Variants in STARD13 observed in about 807,000 individuals in gnomAD.
The protein encoded by STARD13 is StAR related lipid transfer domain containing 13, also known as stAR-related lipid transfer protein 13.
In STARD13, 62 loss-of-function variants were observed where a neutral mutation model predicts 106.4. The ratio of observed to expected loss-of-function variants is 0.58; its 90% CI spans 0.48 to 0.72. The LOEUF is 0.72. Among genes scored for constraint, STARD13 ranks in the 30% least tolerant of loss-of-function variants. The pLI is 0.00. For missense variants in STARD13, 1,387 were observed against 1,424.0 expected (o/e 0.97, Z 0.42); for synonymous variants, 565 against 553.0 (o/e 1.02, Z -0.31).
chr13:33,605,804 A>G, the STARD13 span, among the ~76,000 whole-genome samples: 2 of 152,216 alleles, frequency 1.3e-5, no homozygotes, highest in Non-Finnish European at 1.5e-5. Context: ...ATATCAGGCC[A>G]TAGTTCTACT....
intron 1 of STARD13, among the ~76,000 whole-genome samples, chr13:33,234,997 G>A (rs1002599681): frequency 6.6e-6 from 1 of 152,142 alleles, no homozygotes; most frequent in African/African-American, 2.4e-5. Flanking sequence ...CACAGAAAAT[G>A]TAAAAATGTT....
intron 1 of STARD13, among the ~76,000 whole-genome samples, chr13:33,307,557 G>A (rs1343806320): frequency 3.3e-5 from 5 of 152,294 alleles, no homozygotes; most frequent in African/African-American, 1.2e-4. Flanking sequence ...ACTAATGCAG[G>A]AACAGAAAAC....
intron 1 of STARD13, among the ~76,000 whole-genome samples, chr13:33,237,646 A>T (rs1297669519): frequency 6.6e-6 from 1 of 152,174 alleles, no homozygotes; most frequent in Non-Finnish European, 1.5e-5. Context: ...CCCTTGATTA[A>T]AAACTTCCCA....
At chr13:33,586,199 G>C in the STARD13 span, among the ~76,000 whole-genome samples, 12 of 152,280 alleles carry the variant, frequency 7.9e-5, no homozygotes, top group South Asian at 1.9e-3. Flanking sequence ...GTATGCAGAA[G>C]CTGAGGCCAC....
chr13:33,119,072 T>C (rs1011186501), intron 7 of STARD13, among the ~76,000 whole-genome samples: 3 of 151,964 alleles, frequency 2.0e-5, no homozygotes, highest in African/African-American at 7.3e-5. Flanking sequence ...GTGGCCCTAA[T>C]GAGAATGAGT....
intron 3 of STARD13, among the ~76,000 whole-genome samples, chr13:33,145,777 C>T (rs970413267): frequency 1.3e-5 from 2 of 152,208 alleles, no homozygotes; most frequent in Non-Finnish European, 2.9e-5. Context: ...AGAGCATACA[C>T]TACAGGATTC....
At chr13:33,634,979 A>G in the STARD13 span, among the ~76,000 whole-genome samples, 1 of 152,232 alleles carries the variant, frequency 6.6e-6, no homozygotes, top group African/African-American at 2.4e-5. Flanking sequence ...GCAGCTATGC[A>G]CCAGCTCTTC....
the STARD13 span, among the ~76,000 whole-genome samples, chr13:33,512,670 T>C: frequency 1.3e-4 from 20 of 152,240 alleles, no homozygotes; most frequent in East Asian, 3.3e-3. Context: ...GGTTTCGCCA[T>C]GTTGGGCAGG....
At chr13:33,537,677 C>A in the STARD13 span, among the ~76,000 whole-genome samples, 1 of 151,866 alleles carries the variant, frequency 6.6e-6, no homozygotes, top group Non-Finnish European at 1.5e-5. Context: ...GTGTATATTT[C>A]TTTACTGGCA....
chr13:33,220,501 G>A (rs1284161143), intron 1 of STARD13, among the ~76,000 whole-genome samples: 1 of 151,966 alleles, frequency 6.6e-6, no homozygotes, highest in Non-Finnish European at 1.5e-5. Flanking sequence ...GACCAGCCTG[G>A]CCAACATAGT....
chr13:33,223,020 T>A (rs1888438056), intron 1 of STARD13, among the ~76,000 whole-genome samples: 1 of 152,266 alleles, frequency 6.6e-6, no homozygotes. Flanking sequence ...GGGTTAGGAA[T>A]CCATCTGCTA....
chr13:33,144,742 A>T (rs904668515), intron 3 of STARD13, among the ~76,000 whole-genome samples: 1 of 152,176 alleles, frequency 6.6e-6, no homozygotes, highest in Non-Finnish European at 1.5e-5. Context: ...AAAATGGTGG[A>T]TATTGCACAT....
the STARD13 span, among the ~76,000 whole-genome samples, chr13:33,499,561 C>CT: frequency 8.1e-5 from 5 of 61,668 alleles, no homozygotes; most frequent in African/African-American, 3.0e-4. Flanking sequence ...TCTTCTTCTT[C>CT]TTCTTCTTCT....
intron 1 of STARD13, among the ~76,000 whole-genome samples, chr13:33,299,425 A>G (rs1892626631): frequency 6.6e-6 from 1 of 152,244 alleles, no homozygotes; most frequent in Non-Finnish European, 1.5e-5. Context: ...AATTACTCAG[A>G]AGTGCTATTT....
the STARD13 span, among the ~76,000 whole-genome samples, chr13:33,558,726 G>A: frequency 2.0e-5 from 3 of 148,064 alleles, 1 homozygote; most frequent in African/African-American, 7.9e-5. Context: ...GCCTGAAAAT[G>A]GTTATAAATA....
At chr13:33,349,609 T>C (rs1024321455) in intron 1 of STARD13, among the ~76,000 whole-genome samples, 3 of 152,176 alleles carry the variant, frequency 2.0e-5, no homozygotes, top group Non-Finnish European at 1.5e-5. Flanking sequence ...ACCTCCTGGC[T>C]CAAAACAATC....
downstream of STARD13, among the ~76,000 whole-genome samples, chr13:33,345,647 G>A (rs895848451): frequency 6.6e-6 from 1 of 152,114 alleles, no homozygotes; most frequent in Non-Finnish European, 1.5e-5. Context: ...CAATCTAGTG[G>A]AAATTTAGCA....
intron 1 of STARD13, among the ~76,000 whole-genome samples, chr13:33,168,853 C>A (rs1237297740): frequency 1.3e-5 from 2 of 152,208 alleles, no homozygotes; most frequent in Non-Finnish European, 2.9e-5. Context: ...AAGGCCAGAT[C>A]TTACTCAGGC....
intron 3 of STARD13, among the ~76,000 whole-genome samples, chr13:33,164,692 A>G (rs1156667108): frequency 6.6e-6 from 1 of 152,150 alleles, no homozygotes; most frequent in Non-Finnish European, 1.5e-5. Flanking sequence ...AGGTATTCAC[A>G]CCTCATTTCT....
Sources: allele counts gnomAD v4.1 joint callset (sites outside exome capture counted in the v4.1 genomes callset), GRCh38; gene constraint gnomAD v4.1.1; transcripts MANE v1.5; gene names NCBI Gene and HGNC (gene_info 2026-07-23, HGNC 2026-07-21).